The following NUP160 variants were observed in gnomAD, a reference collection of about 807,000 sequenced individuals.
The protein encoded by NUP160 is nucleoporin 160, also known as nuclear pore complex protein Nup160.
In NUP160, 94 loss-of-function variants were observed where a neutral mutation model predicts 196.9. That is an observed-to-expected ratio of 0.48 (90% CI 0.40 to 0.57). NUP160 has a LOEUF of 0.57. NUP160 is among the 20% of genes least tolerant of loss of function. The pLI is 0.00. For synonymous variants in NUP160, 605 were observed against 619.7 expected (o/e 0.98, Z 0.35); for missense variants, 1,638 against 1,748.3 (o/e 0.94, Z 1.13).
Position 47,840,072 on chromosome 11 carries a change from A to C in NUP160, c.526-7T>G, listed in dbSNP as rs1200173747. 2 of 1,596,012 alleles carry C rather than the reference A, an allele frequency of 1.3e-6. No individual in the cohort carries two copies. The highest frequency in any genetic ancestry group is 1.7e-6 in the Non-Finnish European group (2 of 1,164,494). ...GACTGTCAACTACCAACTCCTGTTG[A>C]GTAATTAAAAAGAAAAATCTATTAA... On this transcript the variant is annotated splice_polypyrimidine_tract_variant and splice_region_variant and intron_variant, in intron 3 of 35. Coordinates refer to ENST00000378460, the Ensembl canonical transcript of NUP160.
At position 47,847,838 on chromosome 11, in the gene NUP160, C is replaced by G. The variant is rs542538780; in HGVS notation, c.314+10G>C. 1 of 1,599,116 alleles carries G rather than the reference C, an allele frequency of 6.3e-7. No homozygotes were observed. The highest frequency in any genetic ancestry group is 2.2e-5 in the East Asian group (1 of 44,824). On this transcript the variant is annotated intron_variant, in intron 2 of 35. Coordinates refer to ENST00000378460, the Ensembl canonical transcript of NUP160. ...CCTTCCAGGGGAGTTTGGCGAACCA[C>G]AACACTTACCAATGAATGAACCTGT...
exon 7 of NUP160, chr11:47,835,730 C>G: frequency 6.2e-7 from 1 of 1,606,660 alleles, no homozygotes; most frequent in South Asian, 1.1e-5. Context: ...TAATTTGTGT[C>G]CAGTTCCAGC....
At chr11:47,788,390 T>C in intron 30 of NUP160, 85 bp from the exon 31 acceptor site, 1 of 1,577,046 alleles carries the variant, frequency 6.3e-7, no homozygotes, top group Non-Finnish European at 8.7e-7. Flanking sequence ...TGAGTATCTC[T>C]GAGTAATAAC....
Position 47,818,224 on chromosome 11 carries a change from A to C in NUP160, c.1363-100T>G. 4 of 747,792 alleles carry C rather than the reference A, an allele frequency of 5.3e-6. No individual in the cohort carries two copies. In the South Asian group the frequency reaches 6.3e-5, roughly 12 times the overall value. 46.3% of individuals were successfully genotyped at this position (747,792 alleles called of 1,614,324 possible). Reference sequence around the variant, plus strand: ...GAGTTTCTACTATATGAACATTGCCATTTTGCCCTTCTATATGTGGGCAAT... The same window carrying C: ...GAGTTTCTACTATATGAACATTGCCCTTTTGCCCTTCTATATGTGGGCAAT... On this transcript the variant is annotated intron_variant, in intron 10 of 35. Coordinates refer to ENST00000378460, the Ensembl canonical transcript of NUP160.
chr11:47,848,363 G>A lies in NUP160; in HGVS notation c.58C>T (p.Arg20Trp), dbSNP rs752272425. The A allele has an allele frequency of 6.2e-7, 1 of 1,610,900 alleles. No individual in the cohort carries two copies. The highest frequency in any genetic ancestry group is 8.5e-7 in the Non-Finnish European group (1 of 1,178,806). ...CGCCCAACGGAACAAAGGCAGGGCC[G>A]CGCGGTCGCCGTCACTTCCGGGGGT... is the stretch of plus-strand genomic sequence containing the variant. The change falls in exon 1 of 36, where the codon CGG becomes TGG. Residue 20 changes from arginine (R) to tryptophan (W), a missense_variant. Arg to Trp is a moderately radical substitution (Grantham distance 101, BLOSUM62 -3). Around this residue, in one of 3 missense-constraint regions of NUP160, gnomAD observed 287 missense variants for 259.5 expected, o/e 1.11. Coordinates refer to ENST00000378460, the Ensembl canonical transcript of NUP160.
At chr11:47,812,009 T>C in intron 17 of NUP160, 55 bp downstream of exon 17, 1 of 1,560,358 alleles carries the variant, frequency 6.4e-7, no homozygotes, top group Admixed American at 1.7e-5. Context: ...CCTAAGTGCT[T>C]GTAGGCCTAT....
At chr11:47,844,856 C>T (rs946789682) in intron 2 of NUP160, among the ~76,000 whole-genome samples, 3 of 152,116 alleles carry the variant, frequency 2.0e-5, no homozygotes, top group African/African-American at 7.2e-5. Context: ...AAATACAGGT[C>T]ATAAAGACCT....
At chr11:47,833,961 G>GT (rs1254957205) in intron 7 of NUP160, among the ~76,000 whole-genome samples, 1 of 152,082 alleles carries the variant, frequency 6.6e-6, no homozygotes, top group African/African-American at 2.4e-5. Flanking sequence ...ACTTTGCTTT[G>GT]TATCTTTTCA....
At chr11:47,795,467 A>C (rs924536472) in intron 27 of NUP160, among the ~76,000 whole-genome samples, 10 of 152,326 alleles carry the variant, frequency 6.6e-5, no homozygotes, top group African/African-American at 2.4e-4. Flanking sequence ...ATGTTTTACT[A>C]TTAGGAATGT....
At chr11:47,780,810 C>T (rs187855509) in intron 34 of NUP160, among the ~76,000 whole-genome samples, 1 of 152,148 alleles carries the variant, frequency 6.6e-6, no homozygotes, top group East Asian at 1.9e-4. Flanking sequence ...CGAAAGTGAG[C>T]CACTGTGCCC....
At chr11:47,833,072 T>C (rs1057276645) in intron 7 of NUP160, among the ~76,000 whole-genome samples, 1 of 152,214 alleles carries the variant, frequency 6.6e-6, no homozygotes, top group African/African-American at 2.4e-5. Context: ...ACTATGGTAA[T>C]GGTTGCTCGT....
intron 7 of NUP160, among the ~76,000 whole-genome samples, chr11:47,834,219 CA>C (rs1852130451): frequency 6.6e-6 from 1 of 151,962 alleles, no homozygotes; most frequent in Non-Finnish European, 1.5e-5. Flanking sequence ...GTCCCGAGAC[CA>C]AAAGTTTGAG....
intron 23 of NUP160, among the ~76,000 whole-genome samples, chr11:47,800,011 TG>T (rs1460593352): frequency 6.6e-6 from 1 of 152,082 alleles, no homozygotes; most frequent in African/African-American, 2.4e-5. Flanking sequence ...CCCAGCACTT[TG>T]GGAGGCCGAG....
intron 17 of NUP160, among the ~76,000 whole-genome samples, chr11:47,811,484 GA>G (rs1380863683): frequency 0.043 from 4,192 of 97,132 alleles, 189 homozygotes; most frequent in African/African-American, 0.14. Context: ...ATTGTCTCAA[GA>G]AAAAAAAAAA....
chr11:47,782,302 AAATATATATATAT>A (rs2097661626), intron 34 of NUP160, among the ~76,000 whole-genome samples: 5 of 42,600 alleles, frequency 1.2e-4, no homozygotes, highest in Non-Finnish European at 1.9e-4. Context: ...AAAAAAAAAA[AAATATATATATAT>A]ATATATATAT....
intron 2 of NUP160, among the ~76,000 whole-genome samples, chr11:47,847,111 G>C (rs1852414758): frequency 6.6e-6 from 1 of 151,982 alleles, no homozygotes; most frequent in Admixed American, 6.6e-5. Context: ...ATCACTTTCT[G>C]TTTTACCCAC....
chr11:47,808,593 G>C, intron 17 of NUP160, 64 bp from the exon 18 acceptor site: 1 of 1,338,378 alleles, frequency 7.5e-7, no homozygotes, highest in Non-Finnish European at 1.1e-6. Context: ...TAACTCTTAC[G>C]GCTCAGGTGG....
intron 34 of NUP160, 92 bp from the exon 35 acceptor site, chr11:47,780,539 CCTT>C: frequency 6.3e-6 from 4 of 636,262 alleles, no homozygotes; most frequent in Non-Finnish European, 9.9e-6. Context: ...AATAAAATAC[CCTT>C]TTTTTTTTTT....
intron 7 of NUP160, among the ~76,000 whole-genome samples, chr11:47,823,284 A>T (rs556721747): frequency 6.6e-6 from 1 of 152,272 alleles, no homozygotes; most frequent in South Asian, 2.1e-4. Flanking sequence ...TTGTACAACC[A>T]ATCTATAGAA....
Sources: gnomAD v4.1 joint callset for allele counts (sites outside exome capture counted in the v4.1 genomes callset) on GRCh38, gnomAD v4.1.1 for gene constraint, gnomAD v4.1.1 regional missense constraint, MANE v1.5 for transcripts, NCBI Gene and HGNC (gene_info 2026-07-23, HGNC 2026-07-21) for gene names.